Variants in SLC16A10 observed in about 807,000 individuals in gnomAD.
SLC16A10 encodes solute carrier family 16 member 10.
Under a neutral mutation model 40.0 loss-of-function variants are expected in SLC16A10, and 27 were observed. The observed-to-expected ratio is 0.67, with a 90% CI of 0.50 to 0.93. The LOEUF (loss-of-function observed/expected upper bound fraction) is 0.93, where lower values mean the gene tolerates loss of function less well. Ranked by LOEUF, SLC16A10 falls within the 40% of genes least tolerant of loss-of-function variation. SLC16A10 has a pLI of 0.00. For synonymous variants in SLC16A10, 213 were observed against 249.8 expected (o/e 0.85, Z 1.39); for missense variants, 529 against 658.2 (o/e 0.80, Z 2.15).
intron 1 of SLC16A10, among the ~76,000 whole-genome samples, chr6:111,163,297 C>T (rs1014840007): frequency 1.5e-4 from 23 of 149,802 alleles, no homozygotes; most frequent in Non-Finnish European, 2.8e-4. Flanking sequence ...GGACTACAGG[C>T]GCCCGCCACT....
intron 1 of SLC16A10, among the ~76,000 whole-genome samples, chr6:111,168,446 A>T (rs938842233): frequency 4.6e-5 from 7 of 152,220 alleles, no homozygotes; most frequent in African/African-American, 1.4e-4. Context: ...TCAGCACAAC[A>T]GCTAGCTCTA....
chr6:111,202,434 C>T (rs1337870256), intron 3 of SLC16A10, among the ~76,000 whole-genome samples: 3 of 151,782 alleles, frequency 2.0e-5, no homozygotes, highest in Non-Finnish European at 4.4e-5. Flanking sequence ...GCTGTGATTG[C>T]GCCAGTGCAC....
chr6:111,089,443 C>T (rs1770933322), intron 1 of SLC16A10, among the ~76,000 whole-genome samples: 1 of 152,274 alleles, frequency 6.6e-6, no homozygotes, highest in African/African-American at 2.4e-5. Context: ...TAGATTGCTT[C>T]CAAACTCATT....
chr6:111,158,993 A>G (rs138579495), intron 1 of SLC16A10, among the ~76,000 whole-genome samples: 436 of 144,074 alleles, frequency 3.0e-3, no homozygotes, highest in Non-Finnish European at 5.3e-3. Context: ...GGGAGGGTCA[A>G]TTGACCAGAG....
chr6:111,098,769 C>T (rs1771122444), intron 1 of SLC16A10, among the ~76,000 whole-genome samples: 1 of 152,194 alleles, frequency 6.6e-6, no homozygotes, highest in South Asian at 2.1e-4. Context: ...GTTGTTTAAA[C>T]AACGACATTC....
intron 1 of SLC16A10, among the ~76,000 whole-genome samples, chr6:111,162,894 A>G (rs980461269): frequency 1.3e-5 from 2 of 152,030 alleles, no homozygotes; most frequent in East Asian, 3.9e-4. Context: ...CTTGATATTC[A>G]TGAACATTTC....
intron 1 of SLC16A10, among the ~76,000 whole-genome samples, chr6:111,089,047 C>T (rs1012899310): frequency 1.3e-5 from 2 of 152,030 alleles, no homozygotes; most frequent in African/African-American, 2.4e-5. Flanking sequence ...AAGTGATTTC[C>T]ATTACTAAAT....
At chr6:111,214,400 T>C (rs765064841) in intron 4 of SLC16A10, among the ~76,000 whole-genome samples, 3 of 152,240 alleles carry the variant, frequency 2.0e-5, no homozygotes, top group Admixed American at 6.5e-5. Flanking sequence ...ACCAGATCAG[T>C]ATTTGATGCC....
intron 1 of SLC16A10, 28 bp downstream of exon 1, chr6:111,088,123 C>T: frequency 1.3e-6 from 2 of 1,583,282 alleles, no homozygotes; most frequent in African/African-American, 1.4e-5. Context: ...CCGAGGCCAG[C>T]CTGGGCGACC....
intron 1 of SLC16A10, among the ~76,000 whole-genome samples, chr6:111,117,715 C>T (rs563413094): frequency 9.9e-5 from 15 of 152,222 alleles, no homozygotes; most frequent in African/African-American, 2.9e-4. Context: ...ATCTTGCCAC[C>T]GTAGATAGAA....
At chr6:111,118,572 T>C (rs969810522) in intron 1 of SLC16A10, among the ~76,000 whole-genome samples, 10 of 151,446 alleles carry the variant, frequency 6.6e-5, no homozygotes, top group African/African-American at 2.4e-4. Context: ...TCCCAGCTAC[T>C]TGGGAGGCTG....
At chr6:111,092,895 G>A (rs1036285799) in intron 1 of SLC16A10, among the ~76,000 whole-genome samples, 10 of 151,696 alleles carry the variant, frequency 6.6e-5, no homozygotes, top group Admixed American at 1.3e-4. Context: ...CAAAAAATTA[G>A]CTGGGCATGG....
rs936955529 is a variant in SLC16A10, at chr6:111,231,113, A to G, written c.*8878A>G. 6.6e-5 allele frequency: 10 copies of G among 151,752 alleles called. No individual in the cohort carries two copies. The highest frequency in any genetic ancestry group is 2.1e-4 in the South Asian group (1 of 4,820). The allele number at this position is 151,752 out of a possible 1,614,324, so 9.4% of individuals were successfully genotyped here. ...TCTTTTTAATGAAAAGATCTTTACA[A>G]TTGCTTGGAGGATAAGATTATTTTA... On this transcript the variant is annotated 3_prime_UTR_variant, in exon 6 of 6. Coordinates refer to ENST00000368851, the MANE Select transcript of SLC16A10 (RefSeq NM_018593.5).
chr6:111,166,670 C>T (rs571217712), intron 1 of SLC16A10, among the ~76,000 whole-genome samples: 196 of 152,274 alleles, frequency 1.3e-3, no homozygotes, highest in African/African-American at 4.5e-3. Context: ...AACACTTTGC[C>T]CTTGCAGTCA....
At chr6:111,200,075 C>A (rs529391066) in intron 3 of SLC16A10, among the ~76,000 whole-genome samples, 1 of 152,122 alleles carries the variant, frequency 6.6e-6, no homozygotes, top group Non-Finnish European at 1.5e-5. Context: ...ATGGAAAGAT[C>A]TGCTGTTTAA....
chr6:111,167,315 G>A (rs12202411), intron 1 of SLC16A10, among the ~76,000 whole-genome samples: 15,462 of 152,226 alleles, frequency 0.1, 1,038 homozygotes, highest in Middle Eastern at 0.17. Flanking sequence ...CAAAAAGTGG[G>A]CATTTTTATA....
At chr6:111,121,944 A>G (rs1771591323) in intron 1 of SLC16A10, among the ~76,000 whole-genome samples, 1 of 152,230 alleles carries the variant, frequency 6.6e-6, no homozygotes, top group Admixed American at 6.5e-5. Flanking sequence ...CCACCTCCCC[A>G]GGATGGGCTC....
intron 1 of SLC16A10, among the ~76,000 whole-genome samples, chr6:111,129,259 A>G (rs1012130866): frequency 6.6e-6 from 1 of 152,216 alleles, no homozygotes; most frequent in African/African-American, 2.4e-5. Flanking sequence ...GAAAGTGGGC[A>G]AAGAAGGAAG....
intron 1 of SLC16A10, among the ~76,000 whole-genome samples, chr6:111,100,798 CT>C (rs1033729804): frequency 3.3e-5 from 5 of 151,866 alleles, no homozygotes; most frequent in African/African-American, 1.2e-4. Flanking sequence ...GAATGCCAAA[CT>C]TTAACACTTT....
Sources: allele counts gnomAD v4.1 joint callset (sites outside exome capture counted in the v4.1 genomes callset), GRCh38; gene constraint gnomAD v4.1.1; transcripts MANE v1.5; gene names NCBI Gene and HGNC (gene_info 2026-07-23, HGNC 2026-07-21).